CREB3L2: variants seen among roughly 807,000 people sequenced by gnomAD.
CREB3L2 encodes cAMP responsive element binding protein 3 like 2.
CREB3L2 carries 23 observed loss-of-function variants against 57.2 expected under a neutral mutation model. The ratio of observed to expected loss-of-function variants is 0.40; its 90% CI spans 0.29 to 0.57. The LOEUF (loss-of-function observed/expected upper bound fraction) is 0.57. Among genes scored for constraint, CREB3L2 ranks in the 20% least tolerant of loss-of-function variants. The pLI, the probability that CREB3L2 is intolerant of heterozygous loss-of-function variation, is 0.42. For synonymous variants in CREB3L2, 268 were observed against 265.1 expected (o/e 1.01, Z -0.11); for missense variants, 628 against 634.7 (o/e 0.99, Z 0.11).
At chr7:137,923,944 C>G (rs764266325) in intron 2 of CREB3L2, among the ~76,000 whole-genome samples, 1 of 152,166 alleles carries the variant, frequency 6.6e-6, no homozygotes. Flanking sequence ...AGAGATAAAA[C>G]CCTAGTCCTT....
At chr7:137,920,536 G>T (rs1800250540) in intron 2 of CREB3L2, among the ~76,000 whole-genome samples, 1 of 152,218 alleles carries the variant, frequency 6.6e-6, no homozygotes, top group Non-Finnish European at 1.5e-5. Flanking sequence ...GACTGAGTTT[G>T]GGGGTGGTTT....
chr7:137,947,014 TTA>T lies in CREB3L2; in HGVS notation c.103-18650_103-18649del, dbSNP rs537032447. Among the ~76,000 whole-genome samples, 47 of 126,854 alleles carry T rather than the reference TTA, an allele frequency of 3.7e-4. 2 individuals are homozygous for T. Among genetic ancestry groups the T allele is most frequent in the African/African-American group, 1.5e-3 (43 of 28,410 alleles). The allele number at this position is 126,854 out of a possible 152,430, so 83.2% of individuals were successfully genotyped here. Reference sequence around the variant, plus strand: ...TATATATATAGTTATATATATATAGTTATATATATATATATAGTTCAATCCAT... The same window carrying T: ...TATATATATAGTTATATATATATAGTTATATATATATATAGTTCAATCCAT... On this transcript the variant is annotated intron_variant, in intron 1 of 11. Transcript: ENST00000330387.
At chr7:137,897,586 C>T in intron 8 of CREB3L2, among the ~76,000 whole-genome samples, 1 of 152,042 alleles carries the variant, frequency 6.6e-6, no homozygotes, top group East Asian at 1.9e-4. Flanking sequence ...GTCAGGTGAT[C>T]TCTGACCAAC....
At chr7:137,918,223 C>T (rs1800188657) in intron 2 of CREB3L2, among the ~76,000 whole-genome samples, 1 of 151,950 alleles carries the variant, frequency 6.6e-6, no homozygotes, top group Non-Finnish European at 1.5e-5. Flanking sequence ...GACATTCTTG[C>T]TCTGTCACCC....
intron 1 of CREB3L2, among the ~76,000 whole-genome samples, chr7:137,944,207 T>C (rs1219310446): frequency 6.6e-6 from 1 of 152,178 alleles, no homozygotes. Context: ...CGGGAGCCCA[T>C]TTAGAAGGGA....
intron 8 of CREB3L2, among the ~76,000 whole-genome samples, chr7:137,889,652 A>C (rs1799495360): frequency 6.6e-6 from 1 of 152,202 alleles, no homozygotes; most frequent in Non-Finnish European, 1.5e-5. Context: ...TGATGGTGGA[A>C]ATGACAACAT....
intron 3 of CREB3L2, among the ~76,000 whole-genome samples, chr7:137,914,243 A>C (rs1000408407): frequency 6.6e-6 from 1 of 152,048 alleles, no homozygotes; most frequent in Admixed American, 6.6e-5. Context: ...ATGGTATCTA[A>C]TCACGAAAAT....
intron 1 of CREB3L2, among the ~76,000 whole-genome samples, chr7:137,983,051 T>G (rs537867326): frequency 7.9e-5 from 12 of 152,290 alleles, no homozygotes; most frequent in African/African-American, 2.9e-4. Context: ...ATACCTGTTG[T>G]TTAAGTCACC....
At chr7:137,912,481 C>T (rs1369460915) in intron 4 of CREB3L2, among the ~76,000 whole-genome samples, 1 of 151,896 alleles carries the variant, frequency 6.6e-6, no homozygotes, top group Admixed American at 6.6e-5. Flanking sequence ...ATGAACATGA[C>T]CAAATAGAGA....
Position 137,876,358 on chromosome 7 carries a change from G to A in CREB3L2, c.*4118C>T, listed in dbSNP as rs1479240082. ...TGTGTGTGTGTGTGTGTGTGTGTGTGTGTGTGTGTGTCAGAGAGAGAAGAA... is the reference window on the plus strand; with the variant it reads ...TGTGTGTGTGTGTGTGTGTGTGTGTATGTGTGTGTGTCAGAGAGAGAAGAA... On this transcript the variant is annotated 3_prime_UTR_variant, in exon 12 of 12. Coordinates refer to ENST00000330387, the MANE Select transcript of CREB3L2 (RefSeq NM_194071.4). 2 of 231,942 alleles carry A rather than the reference G, an allele frequency of 8.6e-6. No individual in the cohort carries two copies. The highest frequency in any genetic ancestry group is 1.7e-5 in the Non-Finnish European group (2 of 118,310). The allele number at this position is 231,942 out of a possible 1,614,324, so 14.4% of individuals were successfully genotyped here.
At chr7:137,969,529 T>G (rs973879151) in intron 1 of CREB3L2, among the ~76,000 whole-genome samples, 2 of 151,840 alleles carry the variant, frequency 1.3e-5, no homozygotes, top group African/African-American at 4.8e-5. Context: ...TTTTTGTATT[T>G]TTTAGTAGAG....
At chr7:137,997,807 T>A in intron 1 of CREB3L2, among the ~76,000 whole-genome samples, 1 of 152,126 alleles carries the variant, frequency 6.6e-6, no homozygotes, top group Non-Finnish European at 1.5e-5. Flanking sequence ...TTCAGAGAAT[T>A]TTATAGGAAT....
chr7:137,968,346 G>A (rs996634186), intron 1 of CREB3L2, among the ~76,000 whole-genome samples: 38 of 151,910 alleles, frequency 2.5e-4, no homozygotes, highest in East Asian at 3.9e-4. Context: ...TTCTCCCAAC[G>A]CTATCCATCC....
Position 137,877,274 on chromosome 7 carries a change from T to A in CREB3L2, c.*3202A>T, listed in dbSNP as rs997916248. On this transcript the variant is annotated 3_prime_UTR_variant, in exon 12 of 12. Transcript: ENST00000330387. ...TACAAATTAGGCCTCCAAATCAAAA[T>A]CATTTATATTAACCAAAAGGTTATC... 1.3e-5 allele frequency: 3 copies of A among 225,862 alleles called. No individual in the cohort carries two copies. Among genetic ancestry groups the A allele is most frequent in the Non-Finnish European group, 2.6e-5 (3 of 113,474 alleles). The allele number at this position is 225,862 out of a possible 1,614,324, so 14.0% of individuals were successfully genotyped here.
chr7:137,942,877 T>C (rs975857417), intron 1 of CREB3L2, among the ~76,000 whole-genome samples: 1 of 152,182 alleles, frequency 6.6e-6, no homozygotes, highest in African/African-American at 2.4e-5. Context: ...AAGATTATTT[T>C]CTGTTACCTA....
At chr7:137,940,640 T>G (rs1397255362) in intron 1 of CREB3L2, among the ~76,000 whole-genome samples, 1 of 152,150 alleles carries the variant, frequency 6.6e-6, no homozygotes, top group Non-Finnish European at 1.5e-5. Flanking sequence ...CACAGAATTC[T>G]CTGAACAGAA....
chr7:137,967,827 A>G (rs1801433711), intron 1 of CREB3L2, among the ~76,000 whole-genome samples: 1 of 152,118 alleles, frequency 6.6e-6, no homozygotes, highest in African/African-American at 2.4e-5. Context: ...TGAACTTCCA[A>G]CCATCACCTC....
intron 10 of CREB3L2, chr7:137,884,705 C>T: frequency 1.7e-6 from 1 of 596,988 alleles, no homozygotes. Flanking sequence ...GCTTCCCTCT[C>T]CCTTATCAGA....
At chr7:137,976,194 G>A (rs1801605011) in intron 1 of CREB3L2, among the ~76,000 whole-genome samples, 1 of 152,174 alleles carries the variant, frequency 6.6e-6, no homozygotes, top group Non-Finnish European at 1.5e-5. Flanking sequence ...TTTCTCAGTT[G>A]GACCTCCTTG....
Sources: gnomAD v4.1 joint callset for allele counts (sites outside exome capture counted in the v4.1 genomes callset) on GRCh38, gnomAD v4.1.1 for gene constraint, MANE v1.5 for transcripts, NCBI Gene and HGNC (gene_info 2026-07-23, HGNC 2026-07-21) for gene names.